The following ZPBP variants were observed in gnomAD, a reference collection of about 807,000 sequenced individuals.
ZPBP encodes the protein zona pellucida binding protein, also known as zona pellucida-binding protein 1.
In ZPBP, 26 loss-of-function variants were observed where a neutral mutation model predicts 44.8. The ratio of observed to expected loss-of-function variants is 0.58; its 90% CI spans 0.43 to 0.81. The LOEUF (loss-of-function observed/expected upper bound fraction) is 0.81. Ranked by LOEUF, ZPBP falls within the 30% of genes least tolerant of loss-of-function variation. ZPBP has a pLI of 0.00. For synonymous variants in ZPBP, 174 were observed against 153.2 expected (o/e 1.14, Z -1.00); for missense variants, 409 against 434.0 (o/e 0.94, Z 0.51).
Position 49,872,502 on chromosome 7 carries a change from T to A in ZPBP, n.510-21988A>T, listed in dbSNP as rs368840633. On this transcript the variant is annotated intron_variant and non_coding_transcript_variant, in intron 2 of 2. Transcript: ENST00000465922. ...AAAAGTAAGATTCAATATCTGTGAGTAAGAATCTATGGCTTACGGGGAATG... is the reference window on the plus strand; with the variant it reads ...AAAAGTAAGATTCAATATCTGTGAGAAAGAATCTATGGCTTACGGGGAATG... Among the ~76,000 whole-genome samples the A allele has an allele frequency of 1.6e-3, 236 of 150,950 alleles. 3 individuals carry two copies. Among genetic ancestry groups the A allele is most frequent in the African/African-American group, 5.5e-3 (226 of 41,156 alleles).
rs547916089 is a variant in ZPBP, at chr7:50,043,066, C to T, written c.488-11756G>A. Among the ~76,000 whole-genome samples, 39 of 152,310 alleles carry T rather than the reference C, an allele frequency of 2.6e-4. No homozygotes were observed. In the East Asian group the frequency reaches 6.0e-3, roughly 23 times the overall value. On this transcript the variant is annotated intron_variant, in intron 4 of 7. Transcript: ENST00000046087. ...ACCTGGCCCACCCAGGGCAGAAAAC[C>T]GCTTAAAGGCCTTCCTAAACCACAA...
At chr7:50,000,101 T>C (rs1352695966) in intron 6 of ZPBP, among the ~76,000 whole-genome samples, 3 of 152,174 alleles carry the variant, frequency 2.0e-5, no homozygotes, top group Non-Finnish European at 4.4e-5. Flanking sequence ...ATAAGGTATG[T>C]ATAGATATTA....
intron 6 of ZPBP, among the ~76,000 whole-genome samples, chr7:49,991,758 G>T (rs2128788548): frequency 6.6e-6 from 1 of 152,116 alleles, no homozygotes; most frequent in African/African-American, 2.4e-5. Flanking sequence ...TGGGCAGGTA[G>T]AAATGAAATT....
intron 4 of ZPBP, among the ~76,000 whole-genome samples, chr7:50,053,113 G>A (rs1006825389): frequency 6.6e-6 from 1 of 151,950 alleles, no homozygotes. Flanking sequence ...ATATGAATAA[G>A]ATCATATTTT....
intron 6 of ZPBP, among the ~76,000 whole-genome samples, chr7:49,987,446 A>G (rs1797342998): frequency 6.6e-6 from 1 of 152,182 alleles, no homozygotes; most frequent in Non-Finnish European, 1.5e-5. Flanking sequence ...TCCTTGGGAA[A>G]AACAGAAAAG....
intron 1 of ZPBP, among the ~76,000 whole-genome samples, chr7:49,931,474 A>T (rs2128750330): frequency 6.6e-6 from 1 of 152,238 alleles, no homozygotes; most frequent in Admixed American, 6.5e-5. Flanking sequence ...AGTAAAAGTC[A>T]CTCTTGCTAT....
At chr7:49,941,661 C>T (rs528460242) in intron 7 of ZPBP, among the ~76,000 whole-genome samples, 4 of 151,942 alleles carry the variant, frequency 2.6e-5, no homozygotes, top group African/African-American at 9.7e-5. Context: ...AATAGAAAGA[C>T]ATATCATGTT....
At chr7:49,901,642 C>A (rs956290583) in intron 1 of ZPBP, among the ~76,000 whole-genome samples, 1 of 151,846 alleles carries the variant, frequency 6.6e-6, no homozygotes, top group African/African-American at 2.4e-5. Flanking sequence ...AGATTCAACA[C>A]AATCCCAAAC....
chr7:50,034,424 C>A (rs1190353989), intron 4 of ZPBP, among the ~76,000 whole-genome samples: 1 of 152,096 alleles, frequency 6.6e-6, no homozygotes, highest in Non-Finnish European at 1.5e-5. Flanking sequence ...AGTGGAACAC[C>A]TGATTCAAAC....
intron 7 of ZPBP, among the ~76,000 whole-genome samples, chr7:49,980,059 ATATTATATTATAATATATATAATATAATT>A (rs1562817301): frequency 2.6e-4 from 22 of 85,512 alleles, no homozygotes; most frequent in Admixed American, 2.5e-3. Flanking sequence ...ATATAATTTT[ATATTATATTATAATATATATAATATAATT>A]TTATATTATA....
intron 4 of ZPBP, among the ~76,000 whole-genome samples, chr7:50,051,463 G>A (rs6953525): frequency 0.77 from 117,276 of 152,028 alleles, 45,360 homozygotes; most frequent in East Asian, 0.87. Flanking sequence ...AAATCATTCT[G>A]TTACGAGGAT....
intron 5 of ZPBP, among the ~76,000 whole-genome samples, chr7:50,029,673 T>G (rs2128810934): frequency 6.6e-6 from 1 of 152,278 alleles, no homozygotes; most frequent in African/African-American, 2.4e-5. Context: ...TGAATAAACA[T>G]TTCTCCAAAG....
chr7:50,026,900 T>A (rs1799362127), intron 5 of ZPBP, among the ~76,000 whole-genome samples: 1 of 152,012 alleles, frequency 6.6e-6, no homozygotes, highest in Non-Finnish European at 1.5e-5. Context: ...CTGCAGACCT[T>A]AAGCCAGTTT....
At chr7:49,922,782 G>T (rs1206924456) in intron 1 of ZPBP, among the ~76,000 whole-genome samples, 1 of 152,182 alleles carries the variant, frequency 6.6e-6, no homozygotes, top group African/African-American at 2.4e-5. Flanking sequence ...GAGCTGATCT[G>T]AGGCTACACA....
At chr7:49,844,785 TG>T in the ZPBP span, among the ~76,000 whole-genome samples, 1 of 152,130 alleles carries the variant, frequency 6.6e-6, no homozygotes, top group African/African-American at 2.4e-5. Context: ...CTCTGCCTCC[TG>T]GGTTCAAGCG....
chr7:49,885,829 CA>C (rs1334256710), intron 2 of ZPBP, among the ~76,000 whole-genome samples: 1 of 152,242 alleles, frequency 6.6e-6, no homozygotes, highest in Non-Finnish European at 1.5e-5. Flanking sequence ...AGCTGAGAAG[CA>C]GCAGCTGGCC....
chr7:49,988,141 C>T (rs1797399219), intron 6 of ZPBP, among the ~76,000 whole-genome samples: 1 of 152,132 alleles, frequency 6.6e-6, no homozygotes, highest in Non-Finnish European at 1.5e-5. Context: ...ACTCTTAATG[C>T]ACTAATCTGC....
chr7:50,079,204 C>T (rs1197419698), intron 3 of ZPBP, among the ~76,000 whole-genome samples: 1 of 151,584 alleles, frequency 6.6e-6, no homozygotes, highest in Admixed American at 6.6e-5. Context: ...GTTCCTACCT[C>T]ATTGAGATTA....
intron 6 of ZPBP, among the ~76,000 whole-genome samples, chr7:49,987,072 G>A (rs1797321247): frequency 6.6e-6 from 1 of 152,080 alleles, no homozygotes; most frequent in Non-Finnish European, 1.5e-5. Context: ...TTTGATATCT[G>A]TGTGACCTTT....
Sources: gnomAD v4.1 joint callset for allele counts (sites outside exome capture counted in the v4.1 genomes callset) on GRCh38, gnomAD v4.1.1 for gene constraint, MANE v1.5 for transcripts, NCBI Gene and HGNC (gene_info 2026-07-23, HGNC 2026-07-21) for gene names.